Variants in SPTA1 observed in about 807,000 individuals in gnomAD.
The protein encoded by SPTA1 is spectrin alpha chain, erythrocytic 1.
Under a neutral mutation model 324.7 loss-of-function variants are expected in SPTA1, and 177 were observed. That is an observed-to-expected ratio of 0.55 (90% confidence interval 0.48 to 0.62). The LOEUF is 0.62. SPTA1 is among the 20% of genes least tolerant of loss of function. SPTA1 has a pLI of 0.00. For missense variants in SPTA1, 3,162 were observed against 2,883.6 expected, an observed-to-expected ratio of 1.10 and a Z score of -2.21; for synonymous variants, 1,195 against 1,041.3, an observed-to-expected ratio of 1.15 and a Z score of -2.84.
chr1:158,674,233 A>G, intron 10 of SPTA1, 96 bp downstream of exon 10: 1 of 1,256,934 alleles, frequency 8.0e-7, no homozygotes, highest in Non-Finnish European at 1.2e-6. Context: ...AATGACTTCT[A>G]TTCTTTTCCC....
rs867313542 is a variant in SPTA1, at chr1:158,610,923, A to C, written c.*341T>G. The C allele has an allele frequency of 7.9e-5, 17 of 214,252 alleles. 1 individual carries two copies. In the Middle Eastern group the frequency reaches 5.6e-3, roughly 71 times the overall value. 13.3% of individuals were successfully genotyped at this position (214,252 alleles called of 1,614,324 possible). A position where few individuals can be genotyped will look rare whatever the true frequency, so the allele number is the denominator to read the frequency against. ...TTTGCCCCAAAAAATATTTTTAAAA[A>C]GAATTACTTTATTCTATAATCGGAA... On this transcript the variant is annotated 3_prime_UTR_variant, in exon 52 of 52. Coordinates refer to ENST00000643759, the MANE Select transcript of SPTA1 (RefSeq NM_003126.4).
chr1:158,620,280 GCA>G lies in SPTA1; in HGVS notation c.6305_6306del (p.Leu2102SerfsTer8). 6.2e-7 allele frequency: 1 copy of G among 1,614,074 alleles called. No individual in the cohort carries two copies. The highest frequency in any genetic ancestry group is 8.5e-7 in the Non-Finnish European group (1 of 1,180,030). ...GCCTTAATCTGCTGGTCTAGCTCCA[GCA>G]AACATTTAAAGTCTGCTTGAGCCCT... ...LARAQADFKC[L>X]LELDQQIKAL... On this transcript the variant is annotated frameshift_variant, in exon 44 of 52. Coordinates refer to ENST00000643759, the MANE Select transcript of SPTA1 (RefSeq NM_003126.4). LOFTEE classifies it high-confidence loss of function.
intron 15 of SPTA1, among the ~76,000 whole-genome samples, chr1:158,667,547 A>AT (rs1653697730): frequency 6.6e-6 from 1 of 152,218 alleles, no homozygotes; most frequent in Admixed American, 6.5e-5. Context: ...TACTTGTTCA[A>AT]GGGAAAGAAA....
intron 40 of SPTA1, 95 bp from the exon 41 acceptor site, chr1:158,627,102 C>T: frequency 6.7e-7 from 1 of 1,501,170 alleles, no homozygotes; most frequent in Non-Finnish European, 9.2e-7. Context: ...TCTCCCATTT[C>T]AAATATATAA....
chr1:158,637,923 C>T (rs1160028946), intron 36 of SPTA1, 110 bp downstream of exon 36: 1 of 1,246,932 alleles, frequency 8.0e-7, no homozygotes, highest in Non-Finnish European at 1.2e-6. Context: ...TGAAGTAGTG[C>T]TATCTTCAAG....
At chr1:158,648,083 A>G (rs922290003) in intron 26 of SPTA1, among the ~76,000 whole-genome samples, 1 of 152,194 alleles carries the variant, frequency 6.6e-6, no homozygotes, top group Admixed American at 6.5e-5. Flanking sequence ...CAAGCTCCAG[A>G]GTACACTTTT....
rs2022058 is a variant in SPTA1, at chr1:158,663,022, C to G, written c.2221-77G>C. ...TAATAGGAGTTTGTCATGGTGGAAA[C>G]GGGGTCATGGGAAAATCAGTTCCCA... On this transcript the variant is annotated intron_variant, in intron 16 of 51. Coordinates refer to ENST00000643759, the MANE Select transcript of SPTA1 (RefSeq NM_003126.4). The G allele has an allele frequency of 2.9e-3, 4,665 of 1,597,316 alleles. 42 individuals are homozygous for G. The highest frequency in any genetic ancestry group is 0.014 in the South Asian group (1,226 of 90,074).
intron 8 of SPTA1, among the ~76,000 whole-genome samples, chr1:158,674,890 G>A (rs376163390): frequency 3.2e-4 from 48 of 152,182 alleles, no homozygotes; most frequent in African/African-American, 1.1e-3. Flanking sequence ...TCTAGGGTAC[G>A]TGTGTTGCTG....
At chr1:158,633,631 A>G (rs1233521017) in intron 39 of SPTA1, among the ~76,000 whole-genome samples, 1 of 145,548 alleles carries the variant, frequency 6.9e-6, no homozygotes, top group Non-Finnish European at 1.5e-5. Flanking sequence ...ACTGCACTCC[A>G]GGCTGGGAGA....
rs539667133 is a variant in SPTA1 at position 158,685,189 on chromosome 1, A to C, written c.183T>G (p.Asp61Glu). The C allele has an allele frequency of 2.2e-5, 36 of 1,613,730 alleles. No homozygotes were observed. In the South Asian group the frequency reaches 3.7e-4, roughly 17 times the overall value. Residue 61 changes from aspartate to glutamate, a missense_variant, in exon 2 of 52, where the codon GAT becomes GAG. By Grantham distance (45) the Asp-to-Glu change is conservative (BLOSUM62 2). Transcript: ENST00000643759. ...DSYHLQVFKR[D>E]ADDLGKWIME... ...TGATCCACTTCCCCAGATCATCTGC[A>C]TCTCGCTTGAAAACTTGTAAGTGAT...
Position 158,677,728 on chromosome 1 carries a change from T to A in SPTA1, c.919A>T (p.Lys307Ter). 1 of 1,613,628 alleles carries A rather than the reference T, an allele frequency of 6.2e-7. No individual in the cohort carries two copies. The highest frequency in any genetic ancestry group is 8.5e-7 in the Non-Finnish European group (1 of 1,179,734). The stretch of plus-strand genomic sequence containing the variant: ...ACAGCAAGATTTCTCTCAAGTCCCT[T>A]GTGACTGTGAAACAGTCCTTCAGAG... ...VASEGLFHSH[K>*]GLERNLAVMS... Residue 307 changes from lysine to a stop codon, truncating the protein, a stop_gained, in exon 7 of 52, where the codon AAG becomes TAG. Coordinates refer to ENST00000643759, the MANE Select transcript of SPTA1 (RefSeq NM_003126.4). LOFTEE classifies it high-confidence loss of function.
rs763705838 is a variant in SPTA1 at position 158,638,061 on chromosome 1, C to A, written c.5161G>T (p.Asp1721Tyr). The A allele has an allele frequency of 2.5e-6, 4 of 1,613,758 alleles. No homozygotes were observed. Among genetic ancestry groups the A allele is most frequent in the Admixed American group, 1.7e-5 (1 of 59,982 alleles). Residue 1721 changes from aspartate to tyrosine, a missense_variant, in exon 36 of 52, where the codon GAT (aspartate) becomes TAT (tyrosine). Transcript: ENST00000643759. ...EAYALFQFFQ[D>Y]LDDEESWIEE... ...ATCCAGGATTCCTCATCATCTAGAT[C>A]CTGGAAGAACTGGAACAAGGCATAG...
At chr1:158,639,040 T>G (rs987714568) in intron 35 of SPTA1, among the ~76,000 whole-genome samples, 10 of 152,142 alleles carry the variant, frequency 6.6e-5, no homozygotes, top group Non-Finnish European at 1.5e-4. Context: ...GCCTTTTCTG[T>G]GTGTATCTGT....
chr1:158,634,125 C>T (rs1244774796), intron 39 of SPTA1, among the ~76,000 whole-genome samples: 2 of 152,206 alleles, frequency 1.3e-5, no homozygotes, highest in Non-Finnish European at 2.9e-5. Flanking sequence ...GTAAGCCCTT[C>T]TTCCTAAAAT....
chr1:158,649,788 G>A (rs1652282870), intron 25 of SPTA1, 68 bp downstream of exon 25: 3 of 1,265,912 alleles, frequency 2.4e-6, no homozygotes, highest in Non-Finnish European at 3.5e-6. Context: ...TTCCACCATA[G>A]TAATAGACTT....
intron 50 of SPTA1, 38 bp downstream of exon 50, chr1:158,613,683 C>T: frequency 6.2e-7 from 1 of 1,613,206 alleles, no homozygotes; most frequent in African/African-American, 1.3e-5. Flanking sequence ...TCCAAACCCC[C>T]ATCCCTGCTG....
Position 158,645,593 on chromosome 1 carries a change from C to T in SPTA1, c.3898G>A (p.Asp1300Asn). The change falls in exon 28 of 52, where the codon GAT becomes AAT. Residue 1300 changes from aspartate (D) to asparagine (N), a missense_variant and splice_region_variant. Asp to Asn is a conservative substitution (Grantham distance 23). Coordinates refer to ENST00000643759, the MANE Select transcript of SPTA1 (RefSeq NM_003126.4). The stretch of plus-strand genomic sequence containing the variant: ...ATGCTACTGATCCAGTTCTGCAGAT[C>T]CCTAGATAAACAGACACATTGGAAT... The part of the protein sequence containing the change: ...KFYLFLSKAR[D>N]LQNWISSIGG... 2 of 1,613,910 alleles carry T rather than the reference C, an allele frequency of 1.2e-6. No individual in the cohort carries two copies. Among genetic ancestry groups the T allele is most frequent in the South Asian group, 1.1e-5 (1 of 91,086 alleles).
intron 42 of SPTA1, among the ~76,000 whole-genome samples, chr1:158,625,009 G>C (rs374936993): frequency 6.6e-6 from 1 of 152,046 alleles, no homozygotes; most frequent in East Asian, 1.9e-4. Context: ...GATGGCAGAG[G>C]GTGTTGTTAT....
intron 39 of SPTA1, among the ~76,000 whole-genome samples, chr1:158,628,644 G>T (rs991964742): frequency 6.6e-6 from 1 of 152,052 alleles, no homozygotes; most frequent in African/African-American, 2.4e-5. Context: ...CTGAAAGCCT[G>T]AATGAATCAT....
Sources: gnomAD v4.1 joint callset for allele counts (sites outside exome capture counted in the v4.1 genomes callset) on GRCh38, gnomAD v4.1.1 for gene constraint, MANE v1.5 for transcripts, NCBI Gene and HGNC (gene_info 2026-07-23, HGNC 2026-07-21) for gene names.